GCA: variants seen among roughly 807,000 people sequenced by gnomAD.
GCA encodes the protein grancalcin, EF-hand calcium-binding protein.
In GCA, 30 loss-of-function variants were observed where a neutral mutation model predicts 32.6. The observed-to-expected ratio is 0.92, with a 90% CI of 0.69 to 1.25. The LOEUF (loss-of-function observed/expected upper bound fraction) is 1.25. Ranked by LOEUF, GCA falls within the 50% of genes most tolerant of loss-of-function variation. The probability of loss-of-function intolerance (pLI) is 0.00; values close to 1 mark genes in which losing one functional copy is unlikely to be tolerated. For synonymous variants in GCA, 102 were observed against 84.6 expected (o/e 1.21, Z -1.13); for missense variants, 291 against 266.8 (o/e 1.09, Z -0.63).
intron 1 of GCA, among the ~76,000 whole-genome samples, chr2:162,327,836 A>G (rs1015564907): frequency 1.3e-5 from 2 of 152,236 alleles, no homozygotes; most frequent in Admixed American, 6.5e-5. Context: ...ACTTAACATT[A>G]TAAAGAGATT....
At chr2:162,373,826 G>C (rs567093095), downstream of GCA, among the ~76,000 whole-genome samples, 7 of 152,286 alleles carry the variant, frequency 4.6e-5, no homozygotes, top group African/African-American at 1.7e-4. Flanking sequence ...GATACTTACT[G>C]TGTATGTCTC....
chr2:162,322,741 C>T (rs1257850675), intron 1 of GCA, among the ~76,000 whole-genome samples: 2 of 151,298 alleles, frequency 1.3e-5, no homozygotes, highest in Non-Finnish European at 2.9e-5. Context: ...ATGAACTCAT[C>T]ATTTTTTATG....
upstream of GCA, chr2:162,344,035 A>T: frequency 3.3e-6 from 2 of 603,436 alleles, no homozygotes; most frequent in South Asian, 3.8e-5. Flanking sequence ...ACTGCAGCTG[A>T]GTTGGCTCCA....
intron 5 of GCA, among the ~76,000 whole-genome samples, chr2:162,357,547 T>A (rs1177179562): frequency 6.6e-6 from 1 of 151,792 alleles, no homozygotes; most frequent in African/African-American, 2.4e-5. Flanking sequence ...AAAATCTATT[T>A]GTATGAAAAT....
chr2:162,328,028 C>CT (rs1160190114), intron 1 of GCA, among the ~76,000 whole-genome samples: 2 of 152,060 alleles, frequency 1.3e-5, no homozygotes, highest in African/African-American at 4.8e-5. Flanking sequence ...TTGAGGAGCC[C>CT]TTTAGCCCGT....
intron 3 of GCA, among the ~76,000 whole-genome samples, chr2:162,353,079 G>T (rs1685080494): frequency 6.6e-6 from 1 of 152,018 alleles, no homozygotes; most frequent in African/African-American, 2.4e-5. Context: ...TTTCTCTTGA[G>T]TTAGATCTCC....
chr2:162,348,430 G>T (rs1451542354), intron 2 of GCA, among the ~76,000 whole-genome samples: 5 of 152,054 alleles, frequency 3.3e-5, no homozygotes, highest in African/African-American at 1.2e-4. Context: ...TTTTTCACAG[G>T]TGAAGTTATA....
At chr2:162,355,689 T>C (rs957639562) in intron 3 of GCA, among the ~76,000 whole-genome samples, 2 of 151,976 alleles carry the variant, frequency 1.3e-5, no homozygotes, top group Non-Finnish European at 2.9e-5. Flanking sequence ...AGTGTTAATA[T>C]TTCAAATCAC....
chr2:162,366,574 T>C (rs1377634147), downstream of GCA, among the ~76,000 whole-genome samples: 1 of 151,956 alleles, frequency 6.6e-6, no homozygotes, highest in African/African-American at 2.4e-5. Flanking sequence ...GGAATTATTC[T>C]ACTGTTGGGC....
chr2:162,373,091 G>A (rs1043462232), downstream of GCA, among the ~76,000 whole-genome samples: 1 of 151,972 alleles, frequency 6.6e-6, no homozygotes, highest in African/African-American at 2.4e-5. Flanking sequence ...ATTTTTCTTT[G>A]AAGCTCTTTT....
upstream of GCA, among the ~76,000 whole-genome samples, chr2:162,340,460 C>T (rs954761731): frequency 2.0e-5 from 3 of 152,290 alleles, no homozygotes; most frequent in South Asian, 4.1e-4. Flanking sequence ...AACTGCTATA[C>T]CCTAGTAGGT....
chr2:162,343,283 A>C (rs1684509691), upstream of GCA, among the ~76,000 whole-genome samples: 1 of 152,244 alleles, frequency 6.6e-6, no homozygotes. Flanking sequence ...GAGCTACAAA[A>C]TTCATTTGAG....
In GCA at chr2:162,361,476, G is replaced by T. The variant is rs1685567814; in HGVS notation, c.*1233G>T. The T allele has an allele frequency of 1.0e-6, 1 of 975,016 alleles. No homozygotes were observed. Among genetic ancestry groups the T allele is most frequent in the African/African-American group, 1.8e-5 (1 of 57,036 alleles). 60.4% of individuals were successfully genotyped at this position (975,016 alleles called of 1,614,324 possible). A position where few individuals can be genotyped will look rare whatever the true frequency, so the allele number is the denominator to read the frequency against. ...TGAGTGACATAATTTTATGACTGCT[G>T]ACCAAATTAATTTATAGATTTTATA... is the stretch of plus-strand genomic sequence containing the variant. On this transcript the variant is annotated 3_prime_UTR_variant, in exon 8 of 8. Transcript: ENST00000437150.
chr2:162,361,459 A>G lies in GCA; in HGVS notation c.*1216A>G, dbSNP rs1190248289. 6.1e-6 allele frequency: 6 copies of G among 977,008 alleles called. No individual in the cohort carries two copies. The highest frequency in any genetic ancestry group is 7.3e-6 in the Non-Finnish European group (6 of 822,616). 60.5% of individuals were successfully genotyped at this position (977,008 alleles called of 1,614,324 possible). On this transcript the variant is annotated 3_prime_UTR_variant, in exon 8 of 8. Coordinates refer to ENST00000437150, the MANE Select transcript of GCA (RefSeq NM_012198.5). Reference sequence around the variant, plus strand: ...ATTTTCTAACCTAACAGTGAGTGACATAATTTTATGACTGCTGACCAAATT... The same window carrying G: ...ATTTTCTAACCTAACAGTGAGTGACGTAATTTTATGACTGCTGACCAAATT...
intron 2 of GCA, 70 bp from the exon 3 acceptor site, chr2:162,352,267 CA>C (rs1685039456): frequency 1.1e-6 from 1 of 889,912 alleles, no homozygotes; most frequent in Non-Finnish European, 1.9e-6. Flanking sequence ...TGGCCTAGAA[CA>C]GTCAATTGAC....
Position 162,323,885 on chromosome 2 carries a change from G to A in GCA, c.-31+4660G>A, listed in dbSNP as rs202084221. On this transcript the variant is annotated intron_variant, in intron 1 of 4. Coordinates refer to the GCA transcript ENST00000429691. ...TCTTTTGGCTTAGGATTGACTTGGC[G>A]ATGCGGGCTCTTTTTTGGTTCCATA... Among the ~76,000 whole-genome samples the A allele has an allele frequency of 4.5e-3, 672 of 150,248 alleles. 25 individuals are homozygous for A. The East Asian group carries it at 0.1, about 23-fold the overall frequency.
chr2:162,340,944 T>C (rs187514811), upstream of GCA, among the ~76,000 whole-genome samples: 33 of 152,272 alleles, frequency 2.2e-4, no homozygotes, highest in East Asian at 6.2e-3. Flanking sequence ...TACTCTGTCA[T>C]CTCCCTACCC....
At chr2:162,321,291 T>C (rs1683653780) in intron 1 of GCA, among the ~76,000 whole-genome samples, 1 of 152,230 alleles carries the variant, frequency 6.6e-6, no homozygotes, top group Admixed American at 6.5e-5. Flanking sequence ...AAATGTAAGT[T>C]TCTTTTTCCT....
In GCA at chr2:162,359,151, T is replaced by C. The variant is rs370531862; in HGVS notation, c.562T>C (p.Leu188=). Reference sequence around the variant, plus strand: ...TGCTTGCTGTGTGAAGCTTCGAGCATTGACAGGTATTGACTATTTAAAACT... The same window carrying C: ...TGCTTGCTGTGTGAAGCTTCGAGCACTGACAGGTATTGACTATTTAAAACT... The part of the protein sequence containing the change: ...YVACCVKLRA[L]TDFFRKRDHL... Residue 188 remains leucine (L), a synonymous_variant, in exon 6 of 8, where the codon TTG becomes CTG. Coordinates refer to ENST00000437150, the MANE Select transcript of GCA (RefSeq NM_012198.5). 1.2e-5 allele frequency: 18 copies of C among 1,549,868 alleles called. No homozygotes were observed. In the Admixed American group the frequency reaches 2.7e-4, roughly 23 times the overall value.
Sources: gnomAD v4.1 joint callset for allele counts (sites outside exome capture counted in the v4.1 genomes callset) on GRCh38, gnomAD v4.1.1 for gene constraint, MANE v1.5 for transcripts, NCBI Gene and HGNC (gene_info 2026-07-23, HGNC 2026-07-21) for gene names.